ANKIB1: variants seen among roughly 807,000 people sequenced by gnomAD.
The protein encoded by ANKIB1 is ankyrin repeat and IBR domain containing 1, also known as ankyrin repeat and IBR domain-containing protein 1.
A neutral mutation model predicts 122.1 loss-of-function variants in ANKIB1; 43 were observed. The observed-to-expected ratio is 0.35, with a 90% CI of 0.28 to 0.45. ANKIB1 has a LOEUF of 0.45. Among genes scored for constraint, ANKIB1 ranks in the 20% least tolerant of loss-of-function variants. The pLI is 1.00. For missense variants in ANKIB1, 992 were observed against 1,329.5 expected, an observed-to-expected ratio of 0.75 and a Z score of 3.95; for synonymous variants, 390 against 442.0, an observed-to-expected ratio of 0.88 and a Z score of 1.48.
intron 17 of ANKIB1, among the ~76,000 whole-genome samples, chr7:92,394,821 T>G (rs1185340031): frequency 6.6e-6 from 1 of 152,184 alleles, no homozygotes; most frequent in Admixed American, 6.5e-5. Context: ...TATCTTTCAT[T>G]TATTAGTTTC....
intron 9 of ANKIB1, among the ~76,000 whole-genome samples, chr7:92,357,732 CAA>C (rs961949515): frequency 1.3e-4 from 10 of 75,028 alleles, no homozygotes; most frequent in Admixed American, 3.1e-4. Flanking sequence ...AAGACTCTCT[CAA>C]AAAAAAAAAA....
intron 9 of ANKIB1, among the ~76,000 whole-genome samples, chr7:92,353,519 C>A (rs1391917963): frequency 6.6e-6 from 1 of 152,130 alleles, no homozygotes; most frequent in Non-Finnish European, 1.5e-5. Flanking sequence ...TGCATGGATA[C>A]ACTTAGGTGG....
chr7:92,250,949 G>C (rs1276608502), intron 1 of ANKIB1, among the ~76,000 whole-genome samples: 4 of 152,028 alleles, frequency 2.6e-5, no homozygotes, highest in African/African-American at 9.7e-5. Context: ...TTTTACTACT[G>C]GTTATACACT....
chr7:92,294,671 C>T (rs1391012054), intron 1 of ANKIB1, among the ~76,000 whole-genome samples: 1 of 152,074 alleles, frequency 6.6e-6, no homozygotes, highest in Non-Finnish European at 1.5e-5. Context: ...CCTTAACAGT[C>T]TCTGTGTGGG....
At chr7:92,390,223 C>A in intron 15 of ANKIB1, 107 bp downstream of exon 15, 1 of 808,782 alleles carries the variant, frequency 1.2e-6, no homozygotes, top group Non-Finnish European at 1.8e-6. Context: ...ATTACTAAAA[C>A]AATTTTCTTT....
Position 92,399,912 on chromosome 7 carries a change from A to T in ANKIB1, c.*963A>T, listed in dbSNP as rs1348116791. ...ATTACTGATGGGTGCAATTACTTTT[A>T]ATCGTGTTTTATAAAATAGAAAAAA... On this transcript the variant is annotated 3_prime_UTR_variant, in exon 20 of 20. Transcript: ENST00000265742. 1 of 152,190 alleles carries T rather than the reference A, an allele frequency of 6.6e-6. No individual in the cohort carries two copies. The highest frequency in any genetic ancestry group is 2.1e-4 in the South Asian group (1 of 4,834). The allele number at this position is 152,190 out of a possible 1,614,324, so 9.4% of individuals were successfully genotyped here. A position where few individuals can be genotyped will look rare whatever the true frequency, so the allele number is the denominator to read the frequency against.
chr7:92,278,148 G>A (rs1489831516), intron 1 of ANKIB1, among the ~76,000 whole-genome samples: 2 of 151,982 alleles, frequency 1.3e-5, no homozygotes, highest in African/African-American at 4.8e-5. Flanking sequence ...CTACTCAGGA[G>A]GCTAAGGTGG....
At chr7:92,288,123 C>A (rs537058054) in intron 1 of ANKIB1, among the ~76,000 whole-genome samples, 2 of 140,990 alleles carry the variant, frequency 1.4e-5, no homozygotes, top group South Asian at 4.6e-4. Flanking sequence ...GAAAAAAAAA[C>A]GAAATCTAGA....
At chr7:92,376,128 T>C (rs1313685484) in intron 11 of ANKIB1, among the ~76,000 whole-genome samples, 2 of 152,046 alleles carry the variant, frequency 1.3e-5, no homozygotes, top group African/African-American at 4.8e-5. Context: ...ACAGGCAGAG[T>C]AGATTTAGCA....
intron 2 of ANKIB1, among the ~76,000 whole-genome samples, chr7:92,301,017 G>T (rs549736878): frequency 6.6e-6 from 1 of 152,092 alleles, no homozygotes; most frequent in Non-Finnish European, 1.5e-5. Flanking sequence ...GTCGAAAATG[G>T]CAGGATTTCC....
intron 1 of ANKIB1, among the ~76,000 whole-genome samples, chr7:92,292,687 A>G (rs1018521686): frequency 1.3e-5 from 2 of 152,208 alleles, no homozygotes; most frequent in African/African-American, 4.8e-5. Flanking sequence ...AAAGTATAAT[A>G]TTTTAGGCTA....
chr7:92,384,114 A>G (rs895485517), intron 11 of ANKIB1, among the ~76,000 whole-genome samples: 3 of 152,224 alleles, frequency 2.0e-5, no homozygotes, highest in African/African-American at 7.2e-5. Flanking sequence ...CAGCCAAATC[A>G]TGAGTGAACT....
intron 1 of ANKIB1, 130 bp downstream of exon 1, chr7:92,246,649 A>G (rs1478335540): frequency 4.4e-6 from 2 of 450,468 alleles, no homozygotes; most frequent in Non-Finnish European, 8.9e-6. Context: ...GTTTTGGAGC[A>G]TTGTTGTTCT....
intron 2 of ANKIB1, among the ~76,000 whole-genome samples, chr7:92,304,901 A>G (rs1585097875): frequency 6.6e-6 from 1 of 152,210 alleles, no homozygotes; most frequent in African/African-American, 2.4e-5. Flanking sequence ...AGCAAATGTT[A>G]GAATTATTCC....
intron 7 of ANKIB1, among the ~76,000 whole-genome samples, chr7:92,347,437 A>G (rs933179681): frequency 1.9e-4 from 29 of 152,116 alleles, no homozygotes; most frequent in Non-Finnish European, 2.1e-4. Context: ...ATTGATGCCA[A>G]GGGCTGAAAT....
chr7:92,301,062 A>C (rs1203224794), intron 2 of ANKIB1, among the ~76,000 whole-genome samples: 1 of 152,132 alleles, frequency 6.6e-6, no homozygotes, highest in Non-Finnish European at 1.5e-5. Flanking sequence ...TCCATTGTAT[A>C]TATGCCACAT....
chr7:92,307,963 G>A (rs978728675), intron 3 of ANKIB1, among the ~76,000 whole-genome samples: 13 of 151,462 alleles, frequency 8.6e-5, no homozygotes, highest in African/African-American at 1.5e-4. Flanking sequence ...ACAGGCACGC[G>A]CCACAATTAG....
chr7:92,278,444 C>G (rs998432393), intron 1 of ANKIB1, among the ~76,000 whole-genome samples: 9 of 151,984 alleles, frequency 5.9e-5, no homozygotes, highest in African/African-American at 2.2e-4. Context: ...AGAGAGGAAC[C>G]CTTCCAAAAA....
chr7:92,271,557 C>G (rs1319409314), intron 1 of ANKIB1, among the ~76,000 whole-genome samples: 1 of 152,078 alleles, frequency 6.6e-6, no homozygotes, highest in Non-Finnish European at 1.5e-5. Context: ...ATTGACACCT[C>G]TAACTATGTT....
Sources: gnomAD v4.1 joint callset for allele counts (sites outside exome capture counted in the v4.1 genomes callset) on GRCh38, gnomAD v4.1.1 for gene constraint, MANE v1.5 for transcripts, NCBI Gene and HGNC (gene_info 2026-07-23, HGNC 2026-07-21) for gene names.